The following UGGT2 variants were observed in gnomAD, a reference collection of about 807,000 sequenced individuals.
UGGT2 encodes the protein UDP-glucose:glycoprotein glucosyltransferase 2.
Under a neutral mutation model 192.1 loss-of-function variants are expected in UGGT2, and 180 were observed. The ratio of observed to expected loss-of-function variants is 0.94; its 90% CI spans 0.83 to 1.06. The LOEUF is 1.06. UGGT2 is among the 50% of genes least tolerant of loss of function. The pLI is 0.00. For synonymous variants in UGGT2, 580 were observed against 591.0 expected (o/e 0.98, Z 0.27); for missense variants, 1,849 against 1,795.7 (o/e 1.03, Z -0.54).
intron 13 of UGGT2, among the ~76,000 whole-genome samples, chr13:95,948,361 T>C (rs2049950954): frequency 6.6e-6 from 1 of 152,156 alleles, no homozygotes; most frequent in Non-Finnish European, 1.5e-5. Flanking sequence ...GGAAGCCCAG[T>C]ATATTTTATT....
chr13:95,849,512 C>T (rs544846139), intron 36 of UGGT2, among the ~76,000 whole-genome samples: 15 of 149,520 alleles, frequency 1.0e-4, no homozygotes, highest in Middle Eastern at 3.5e-3. Flanking sequence ...CATTGCACTC[C>T]GGCCTGGGCA....
intron 10 of UGGT2, among the ~76,000 whole-genome samples, chr13:95,980,711 T>C (rs1193551871): frequency 1.3e-5 from 2 of 152,196 alleles, no homozygotes; most frequent in African/African-American, 4.8e-5. Context: ...ATCCACAGTG[T>C]GTGCTCTTCA....
At chr13:96,052,281 C>T (rs1252292819) in intron 1 of UGGT2, among the ~76,000 whole-genome samples, 5 of 152,022 alleles carry the variant, frequency 3.3e-5, no homozygotes, top group Admixed American at 3.3e-4. Context: ...GATGCAAAGG[C>T]ATAAGATTGA....
Position 95,925,663 on chromosome 13 carries a change from AATATCTAGGTACTCACCATG to A in UGGT2, c.2292_2295+16del. ...GAAATAAATTAAAATTGTTAGTAAG[AATATCTAGGTACTCACCATG>A]TGCTTTAATGCATTAAAAAGAAGTT... On this transcript the variant is annotated splice_donor_variant and splice_donor_5th_base_variant and coding_sequence_variant and intron_variant, in exon 20 of 39. Transcript: ENST00000376747. LOFTEE classifies it high-confidence loss of function. The A allele has an allele frequency of 3.5e-6, 5 of 1,444,602 alleles. No homozygotes were observed. Among genetic ancestry groups the A allele is most frequent in the Non-Finnish European group, 3.7e-6 (4 of 1,078,220 alleles). 89.5% of individuals were successfully genotyped at this position (1,444,602 alleles called of 1,614,324 possible). A position where few individuals can be genotyped will look rare whatever the true frequency, so the allele number is the denominator to read the frequency against.
At chr13:95,819,495 T>C (rs929894379) in intron 38 of UGGT2, among the ~76,000 whole-genome samples, 13 of 85,898 alleles carry the variant, frequency 1.5e-4, no homozygotes, top group African/African-American at 1.0e-3. Context: ...CACACACACA[T>C]ATACATGTAT....
chr13:95,923,125 C>T (rs1030959104), intron 20 of UGGT2, among the ~76,000 whole-genome samples: 6 of 152,112 alleles, frequency 3.9e-5, no homozygotes, highest in African/African-American at 1.4e-4. Flanking sequence ...GATCATAGCT[C>T]ACTGTAGTCT....
Position 95,842,868 on chromosome 13 carries a change from G to A in UGGT2, c.4285-5666C>T, listed in dbSNP as rs767610551. On this transcript the variant is annotated intron_variant, in intron 36 of 38. Transcript: ENST00000376747. ...TAGCAGTCAAGTCTTTTGATTAGAC[G>A]GCAGTCCCCGGGCTGACACAATGAT... is the stretch of plus-strand genomic sequence containing the variant. Among the ~76,000 whole-genome samples the A allele has an allele frequency of 1.5e-3, 233 of 152,252 alleles. 1 individual carries two copies. Among genetic ancestry groups the A allele is most frequent in the Admixed American group, 3.2e-3 (49 of 15,288 alleles).
Position 95,939,634 on chromosome 13 carries a change from TA to T in UGGT2, c.1812+322del, listed in dbSNP as rs771818165. On this transcript the variant is annotated intron_variant, in intron 16 of 38. Transcript: ENST00000376747. ...GAATAGCTAATAAAGCTAATTATCATATGCATTACCTCATATACTTCTCATA... is the reference window on the plus strand; with the variant it reads ...GAATAGCTAATAAAGCTAATTATCATTGCATTACCTCATATACTTCTCATA... Among the ~76,000 whole-genome samples, 3 of 152,310 alleles carry T rather than the reference TA, an allele frequency of 2.0e-5. No individual in the cohort carries two copies. In the South Asian group the frequency reaches 6.2e-4, roughly 32 times the overall value.
chr13:95,942,221 G>GGGGGT (rs1285651365), intron 15 of UGGT2, among the ~76,000 whole-genome samples: 1 of 117,992 alleles, frequency 8.5e-6, no homozygotes, highest in Non-Finnish European at 1.9e-5. Flanking sequence ...TTAGGGTGAG[G>GGGGGT]GTGTGTGTGT....
chr13:95,838,511 G>A (rs1887535178), intron 36 of UGGT2, among the ~76,000 whole-genome samples: 1 of 152,088 alleles, frequency 6.6e-6, no homozygotes, highest in Non-Finnish European at 1.5e-5. Flanking sequence ...GAAGAATAAA[G>A]TCAGAGGGCT....
intron 12 of UGGT2, among the ~76,000 whole-genome samples, chr13:95,967,524 A>G (rs2050626035): frequency 1.4e-5 from 2 of 138,592 alleles, no homozygotes; most frequent in South Asian, 4.6e-4. Context: ...CCCAGGCTGG[A>G]GTGCAGTAGG....
At chr13:95,874,672 C>G (rs1472183511) in intron 29 of UGGT2, among the ~76,000 whole-genome samples, 1 of 151,994 alleles carries the variant, frequency 6.6e-6, no homozygotes, top group East Asian at 1.9e-4. Context: ...TCTCCCCTTC[C>G]TCCCCATCCC....
At chr13:95,871,987 G>C (rs1891265201) in intron 29 of UGGT2, among the ~76,000 whole-genome samples, 3 of 152,148 alleles carry the variant, frequency 2.0e-5, no homozygotes, top group Admixed American at 6.5e-5. Flanking sequence ...AAACATGGGA[G>C]AAACAGTTCA....
At chr13:95,942,057 C>T (rs2049699110) in intron 15 of UGGT2, among the ~76,000 whole-genome samples, 1 of 152,144 alleles carries the variant, frequency 6.6e-6, no homozygotes, top group Non-Finnish European at 1.5e-5. Context: ...TACATCTATG[C>T]TCTTGCATAT....
At chr13:95,996,771 G>T (rs2051635441) in intron 6 of UGGT2, among the ~76,000 whole-genome samples, 1 of 152,100 alleles carries the variant, frequency 6.6e-6, no homozygotes, top group African/African-American at 2.4e-5. Context: ...GAGGCAGGAG[G>T]TCCAAACCCT....
intron 29 of UGGT2, among the ~76,000 whole-genome samples, chr13:95,873,086 G>C (rs1393867312): frequency 6.6e-6 from 1 of 152,164 alleles, no homozygotes; most frequent in Admixed American, 6.5e-5. Flanking sequence ...CATATACAGG[G>C]CTTTCCCTTT....
chr13:95,826,326 T>C (rs1287459148), intron 38 of UGGT2, among the ~76,000 whole-genome samples: 1 of 152,068 alleles, frequency 6.6e-6, no homozygotes, highest in Non-Finnish European at 1.5e-5. Context: ...CACTTTATTA[T>C]TTAACACCGT....
intron 27 of UGGT2, among the ~76,000 whole-genome samples, chr13:95,881,618 T>C (rs1428669465): frequency 1.3e-5 from 2 of 152,142 alleles, no homozygotes; most frequent in Admixed American, 1.3e-4. Flanking sequence ...GATATCAAAA[T>C]TATTTATGTT....
intron 36 of UGGT2, among the ~76,000 whole-genome samples, 187 bp from the exon 37 acceptor site, chr13:95,837,389 C>G (rs935034918): frequency 3.3e-5 from 5 of 152,072 alleles, no homozygotes; most frequent in African/African-American, 1.2e-4. Context: ...TGAATGAATC[C>G]ATGCACTGGA....
Sources: gnomAD v4.1 joint callset for allele counts (sites outside exome capture counted in the v4.1 genomes callset) on GRCh38, gnomAD v4.1.1 for gene constraint, MANE v1.5 for transcripts, NCBI Gene and HGNC (gene_info 2026-07-23, HGNC 2026-07-21) for gene names.